Variants in CPQ observed in about 807,000 individuals in gnomAD.
CPQ encodes the protein carboxypeptidase Q.
A neutral mutation model predicts 45.7 loss-of-function variants in CPQ; 37 were observed. The ratio of observed to expected loss-of-function variants is 0.81; its 90% CI spans 0.62 to 1.07. The LOEUF is 1.07. Among genes scored for constraint, CPQ ranks in the 50% least tolerant of loss-of-function variants. CPQ has a pLI of 0.00. For missense variants in CPQ, 537 were observed against 572.9 expected (o/e 0.94, Z 0.64); for synonymous variants, 186 against 205.8 (o/e 0.90, Z 0.82).
chr8:97,037,495 A>C (rs1452910827), intron 6 of CPQ, among the ~76,000 whole-genome samples: 2 of 152,176 alleles, frequency 1.3e-5, no homozygotes, highest in African/African-American at 2.4e-5. Flanking sequence ...CTCAATCATT[A>C]CTGCTGGGCC....
At chr8:96,775,849 C>A (rs1030435677) in intron 1 of CPQ, among the ~76,000 whole-genome samples, 1 of 152,152 alleles carries the variant, frequency 6.6e-6, no homozygotes, top group Non-Finnish European at 1.5e-5. Flanking sequence ...GTGCTCCCCC[C>A]ACATATTCAA....
At chr8:96,869,296 C>G (rs1455601710) in intron 3 of CPQ, among the ~76,000 whole-genome samples, 3 of 152,000 alleles carry the variant, frequency 2.0e-5, no homozygotes, top group East Asian at 3.9e-4. Flanking sequence ...AGGAAAAGTT[C>G]CAAAACTGTT....
chr8:96,937,586 G>A (rs746730083), intron 4 of CPQ, among the ~76,000 whole-genome samples: 1 of 152,188 alleles, frequency 6.6e-6, no homozygotes, highest in Non-Finnish European at 1.5e-5. Context: ...ATGGTCAAGT[G>A]AAATTCTAGT....
intron 7 of CPQ, among the ~76,000 whole-genome samples, chr8:97,131,199 C>T (rs931965867): frequency 6.6e-5 from 10 of 152,160 alleles, no homozygotes; most frequent in African/African-American, 2.2e-4. Context: ...TAGCATCAGC[C>T]AAGTAGTTGT....
intron 1 of CPQ, among the ~76,000 whole-genome samples, chr8:96,760,393 C>T (rs1810384161): frequency 6.6e-6 from 1 of 152,106 alleles, no homozygotes; most frequent in Admixed American, 6.6e-5. Flanking sequence ...GAAACGTATG[C>T]AAGATTGTAA....
intron 4 of CPQ, among the ~76,000 whole-genome samples, chr8:96,930,174 A>G (rs1367064983): frequency 1.3e-5 from 2 of 152,254 alleles, no homozygotes; most frequent in Non-Finnish European, 2.9e-5. Flanking sequence ...CCCAAGATCA[A>G]GGAGTCAAAT....
intron 1 of CPQ, among the ~76,000 whole-genome samples, chr8:96,740,269 T>C (rs1810066228): frequency 6.6e-6 from 1 of 152,152 alleles, no homozygotes; most frequent in East Asian, 1.9e-4. Context: ...TGTTTGTCTG[T>C]TGTTGGTGTA....
chr8:97,135,281 C>T (rs1469730516), intron 7 of CPQ, among the ~76,000 whole-genome samples: 1 of 152,040 alleles, frequency 6.6e-6, no homozygotes, highest in Non-Finnish European at 1.5e-5. Context: ...ACTTTCTGGT[C>T]CTGTCCTGTC....
At chr8:96,946,145 A>G (rs941364626) in intron 4 of CPQ, among the ~76,000 whole-genome samples, 1 of 152,018 alleles carries the variant, frequency 6.6e-6, no homozygotes, top group African/African-American at 2.4e-5. Flanking sequence ...ATTTGATTTC[A>G]TCTTCAGCAC....
At chr8:96,965,762 A>G (rs917546228) in intron 4 of CPQ, among the ~76,000 whole-genome samples, 173 bp from the exon 5 acceptor site, 1 of 152,226 alleles carries the variant, frequency 6.6e-6, no homozygotes, top group Admixed American at 6.5e-5. Flanking sequence ...GACCCCTTAT[A>G]CAATTCCTCA....
At chr8:96,648,487 T>C (rs927375358) in intron 1 of CPQ, among the ~76,000 whole-genome samples, 1 of 152,212 alleles carries the variant, frequency 6.6e-6, no homozygotes, top group African/African-American at 2.4e-5. Flanking sequence ...TTTTCTTTAA[T>C]GCAGCAAAGT....
chr8:96,926,625 C>CTTCTT lies in CPQ; in HGVS notation c.850-39310_850-39309insTTCTT, dbSNP rs59043894. On this transcript the variant is annotated intron_variant, in intron 4 of 7. Transcript: ENST00000220763. ...TTCTTCTTCTTCTTCTTCTTCTTCT[C>CTTCTT]CTCCTTCTCCTTCTTCTTCTTCTCC... Among the ~76,000 whole-genome samples, 224 of 58,438 alleles carry CTTCTT rather than the reference C, an allele frequency of 3.8e-3. 1 individual carries two copies. Among genetic ancestry groups the CTTCTT allele is most frequent in the African/African-American group, 7.8e-3 (124 of 15,906 alleles). The allele number at this position is 58,438 out of a possible 152,430, so 38.3% of individuals were successfully genotyped here. A position where few individuals can be genotyped will look rare whatever the true frequency, so the allele number is the denominator to read the frequency against.
At chr8:96,866,897 A>C (rs1812003245) in intron 3 of CPQ, among the ~76,000 whole-genome samples, 1 of 152,138 alleles carries the variant, frequency 6.6e-6, no homozygotes, top group African/African-American at 2.4e-5. Context: ...AGATGTTTAT[A>C]AAATGCCATT....
intron 7 of CPQ, among the ~76,000 whole-genome samples, chr8:97,094,202 T>G (rs1398214877): frequency 6.6e-6 from 1 of 152,210 alleles, no homozygotes. Flanking sequence ...TCCATTCATT[T>G]CTCAAGTGTC....
chr8:97,087,897 A>G (rs2130561274), intron 7 of CPQ, among the ~76,000 whole-genome samples: 1 of 152,310 alleles, frequency 6.6e-6, no homozygotes, highest in South Asian at 2.1e-4. Context: ...GTACTTGATC[A>G]AATTGGAATA....
intron 1 of CPQ, among the ~76,000 whole-genome samples, chr8:96,777,064 T>G (rs1218903039): frequency 6.6e-6 from 1 of 151,290 alleles, no homozygotes; most frequent in Non-Finnish European, 1.5e-5. Context: ...AGCAGTAGAG[T>G]TTTTTTTTCA....
At chr8:96,703,158 A>G (rs1296123722) in intron 1 of CPQ, among the ~76,000 whole-genome samples, 1 of 152,214 alleles carries the variant, frequency 6.6e-6, no homozygotes, top group Non-Finnish European at 1.5e-5. Flanking sequence ...AGAAGCCATG[A>G]TTCAATAATC....
chr8:97,000,875 G>C (rs1809267519), intron 5 of CPQ, among the ~76,000 whole-genome samples: 1 of 152,162 alleles, frequency 6.6e-6, no homozygotes, highest in Admixed American at 6.5e-5. Flanking sequence ...CCATGAGCAT[G>C]GAATGTTTTT....
chr8:97,006,189 A>G (rs1809378017), intron 5 of CPQ, among the ~76,000 whole-genome samples: 2 of 152,200 alleles, frequency 1.3e-5, no homozygotes, highest in South Asian at 4.1e-4. Context: ...CAGAATTTCA[A>G]TAAAAGGGTG....
Sources: allele counts gnomAD v4.1 joint callset (sites outside exome capture counted in the v4.1 genomes callset), GRCh38; gene constraint gnomAD v4.1.1; transcripts MANE v1.5; gene names NCBI Gene and HGNC (gene_info 2026-07-23, HGNC 2026-07-21).